TRIM36: variants seen among roughly 807,000 people sequenced by gnomAD.
The protein encoded by TRIM36 is tripartite motif containing 36.
A neutral mutation model predicts 72.4 loss-of-function variants in TRIM36; 42 were observed. That is an observed-to-expected ratio of 0.58 (90% CI 0.45 to 0.75). The LOEUF (loss-of-function observed/expected upper bound fraction) is 0.75. Ranked by LOEUF, TRIM36 falls within the 30% of genes least tolerant of loss-of-function variation. The pLI is 0.00. For synonymous variants in TRIM36, 315 were observed against 282.8 expected, an observed-to-expected ratio of 1.11 and a Z score of -1.14; for missense variants, 913 against 857.1, an observed-to-expected ratio of 1.07 and a Z score of -0.81.
chr5:115,140,681 G>A (rs909356173), intron 5 of TRIM36, among the ~76,000 whole-genome samples: 2 of 151,964 alleles, frequency 1.3e-5, no homozygotes, highest in South Asian at 4.2e-4. Flanking sequence ...TGTATCTGGC[G>A]CCTTCCTGTC....
chr5:115,180,065 G>T (rs1428967229), exon 1 of TRIM36: 1 of 1,605,712 alleles, frequency 6.2e-7, no homozygotes, highest in South Asian at 1.1e-5. Flanking sequence ...AACTCTGGAG[G>T]ACCGACGCGG....
In TRIM36 at chr5:115,134,039, T is replaced by C. The variant is rs750211884; in HGVS notation, c.1319A>G (p.Tyr440Cys). ...TTCATCATCTCTATTGATTTTCCGA[T>C]ATTCAAGAACATAGCTATCAGCTTT... Reference protein sequence around the residue: ...KDKADSYVLEYRKINRDDEMS... With the variant: ...KDKADSYVLECRKINRDDEMS... The change falls in exon 8 of 10, where the codon TAT becomes TGT. Residue 440 changes from tyrosine (Y) to cysteine (C), a missense_variant. By Grantham distance (194) the Tyr-to-Cys change is radical (BLOSUM62 -2). Coordinates refer to ENST00000513154, the MANE Select transcript of TRIM36 (RefSeq NM_001300759.2). 2 of 1,613,954 alleles carry C rather than the reference T, an allele frequency of 1.2e-6. No individual in the cohort carries two copies. The highest frequency in any genetic ancestry group is 1.7e-6 in the Non-Finnish European group (2 of 1,179,950).
intron 1 of TRIM36, chr5:115,179,944 A>G: frequency 6.2e-7 from 1 of 1,609,190 alleles, no homozygotes; most frequent in Non-Finnish European, 8.5e-7. Context: ...TCGGGGGCCC[A>G]GGCCGCGGCG....
At chr5:115,140,495 T>C (rs1163654747) in intron 5 of TRIM36, among the ~76,000 whole-genome samples, 1 of 152,184 alleles carries the variant, frequency 6.6e-6, no homozygotes, top group African/African-American at 2.4e-5. Flanking sequence ...ACACTCAATA[T>C]AACCAGCATC....
At position 115,133,988 on chromosome 5, in the gene TRIM36, C is replaced by A; in HGVS notation, c.1370G>T (p.Cys457Phe). Residue 457 changes from cysteine to phenylalanine, a missense_variant, in exon 8 of 10, where the codon TGT becomes TTT. Coordinates refer to ENST00000513154, the MANE Select transcript of TRIM36 (RefSeq NM_001300759.2). The part of the protein sequence containing the change: ...DEMSWNEIEV[C>F]GTSKIIQDLE... The stretch of plus-strand genomic sequence containing the variant: ...GTCTTGAATTATTTTACTTGTTCCA[C>A]ACACTTCTATCTCATTCCATGACAT... 6.2e-7 allele frequency: 1 copy of A among 1,613,944 alleles called. No homozygotes were observed. Among genetic ancestry groups the A allele is most frequent in the Non-Finnish European group, 8.5e-7 (1 of 1,179,934 alleles).
chr5:115,163,807 T>C lies in TRIM36; in HGVS notation c.28-55A>G, dbSNP rs1272714789. On this transcript the variant is annotated intron_variant, in intron 1 of 9. Transcript: ENST00000513154. ...CTCTTAGTGGGTAAATATATTAACA[T>C]TCTTATACCTCCTGAATAAGTACAT... 10 of 1,279,036 alleles carry C rather than the reference T, an allele frequency of 7.8e-6. No homozygotes were observed. In the African/African-American group the frequency reaches 1.0e-4, roughly 13 times the overall value. 79.2% of individuals were successfully genotyped at this position (1,279,036 alleles called of 1,614,324 possible). A position where few individuals can be genotyped will look rare whatever the true frequency, so the allele number is the denominator to read the frequency against.
chr5:115,132,053 A>G (rs1752709944), intron 8 of TRIM36, among the ~76,000 whole-genome samples: 3 of 152,084 alleles, frequency 2.0e-5, no homozygotes, highest in Non-Finnish European at 4.4e-5. Context: ...CACAATTTAA[A>G]AAATGACCCC....
intron 2 of TRIM36, among the ~76,000 whole-genome samples, chr5:115,150,958 G>A (rs1011678361): frequency 2.6e-5 from 4 of 152,188 alleles, no homozygotes; most frequent in African/African-American, 9.7e-5. Context: ...CAGAGGCTCT[G>A]GGAAAAGGCC....
At chr5:115,137,889 T>C (rs1018202555) in intron 5 of TRIM36, among the ~76,000 whole-genome samples, 8 of 152,220 alleles carry the variant, frequency 5.3e-5, no homozygotes, top group Non-Finnish European at 8.8e-5. Context: ...TTTATAATAT[T>C]GTACTTCCTT....
chr5:115,139,099 G>A (rs1753132504), intron 5 of TRIM36, among the ~76,000 whole-genome samples: 1 of 151,656 alleles, frequency 6.6e-6, no homozygotes, highest in African/African-American at 2.4e-5. Context: ...GATTACAGGT[G>A]TGAGCCACTG....
At chr5:115,129,493 G>A (rs543671687) in intron 9 of TRIM36, among the ~76,000 whole-genome samples, 1 of 152,308 alleles carries the variant, frequency 6.6e-6, no homozygotes, top group Admixed American at 6.5e-5. Context: ...GGGAGGCAGA[G>A]GTTGCGGTGA....
At position 115,124,847 on chromosome 5, in the gene TRIM36, T is replaced by C. The variant is rs910540481; in HGVS notation, c.*1656A>G. The C allele has an allele frequency of 6.6e-6, 1 of 152,580 alleles. No individual in the cohort carries two copies. The highest frequency in any genetic ancestry group is 1.5e-5 in the Non-Finnish European group (1 of 67,962). 9.5% of individuals were successfully genotyped at this position (152,580 alleles called of 1,614,324 possible). ...CACAAGGTTTGAAACAGCTATCCTA[T>C]TCCTGTTAAAGCTTCACATTTAAAA... is the stretch of plus-strand genomic sequence containing the variant. On this transcript the variant is annotated 3_prime_UTR_variant, in exon 10 of 10. Transcript: ENST00000513154.
At chr5:115,140,103 T>C (rs1237755689) in intron 5 of TRIM36, among the ~76,000 whole-genome samples, 1 of 152,146 alleles carries the variant, frequency 6.6e-6, no homozygotes, top group Non-Finnish European at 1.5e-5. Context: ...TGACTTAGGG[T>C]GGTGAATCAG....
intron 1 of TRIM36, among the ~76,000 whole-genome samples, chr5:115,176,602 A>C (rs1437067505): frequency 6.6e-6 from 1 of 152,246 alleles, no homozygotes; most frequent in Non-Finnish European, 1.5e-5. Context: ...AAATATGCTA[A>C]ATACACAAAA....
intron 2 of TRIM36, among the ~76,000 whole-genome samples, chr5:115,157,053 T>C (rs1754210306): frequency 1.3e-5 from 2 of 151,788 alleles, no homozygotes; most frequent in African/African-American, 4.8e-5. Context: ...TCAACAAACA[T>C]ATTTCAAAAT....
At chr5:115,162,869 G>A (rs1754557694) in intron 2 of TRIM36, among the ~76,000 whole-genome samples, 1 of 151,796 alleles carries the variant, frequency 6.6e-6, no homozygotes, top group African/African-American at 2.4e-5. Context: ...TACCATATAT[G>A]AATGTTTTCC....
Position 115,168,140 on chromosome 5 carries a change from T to C in TRIM36, c.27+1468A>G, listed in dbSNP as rs575132454. On this transcript the variant is annotated intron_variant, in intron 1 of 9. Coordinates refer to ENST00000513154, the MANE Select transcript of TRIM36 (RefSeq NM_001300759.2). ...AACACCTGGGGATTACAATTCAAGA[T>C]GAGATTTGGGTGTGGACACAAAGCC... Among the ~76,000 whole-genome samples, 3 of 152,256 alleles carry C rather than the reference T, an allele frequency of 2.0e-5. No homozygotes were observed. The Middle Eastern group carries it at 0.01, about 518-fold the overall frequency.
intron 8 of TRIM36, among the ~76,000 whole-genome samples, chr5:115,132,550 GAAAAA>G (rs11290682): frequency 9.0e-6 from 1 of 110,860 alleles, no homozygotes; most frequent in Non-Finnish European, 1.8e-5. Flanking sequence ...CCTCCAAAAA[GAAAAA>G]AAAAAAAAAA....
upstream of TRIM36, among the ~76,000 whole-genome samples, chr5:115,170,166 C>G (rs956901411): frequency 3.3e-5 from 5 of 152,044 alleles, no homozygotes; most frequent in African/African-American, 1.2e-4. Flanking sequence ...GGGTAGTCGC[C>G]CGTCGCCCTA....
Sources: allele counts gnomAD v4.1 joint callset (sites outside exome capture counted in the v4.1 genomes callset), GRCh38; gene constraint gnomAD v4.1.1; transcripts MANE v1.5; gene names NCBI Gene and HGNC (gene_info 2026-07-23, HGNC 2026-07-21).